C8A: variants seen among roughly 807,000 people sequenced by gnomAD.
C8A encodes the protein complement component C8 alpha chain.
A neutral mutation model predicts 65.3 loss-of-function variants in C8A; 67 were observed. The ratio of observed to expected loss-of-function variants is 1.03; its 90% confidence interval spans 0.84 to 1.26. The LOEUF is 1.26. Among genes scored for constraint, C8A ranks in the 50% most tolerant of loss-of-function variants. The probability of loss-of-function intolerance (pLI) is 0.00; values close to 1 mark genes in which losing one functional copy is unlikely to be tolerated. For missense variants in C8A, 781 were observed against 723.9 expected (o/e 1.08, Z -0.90); for synonymous variants, 290 against 259.4 (o/e 1.12, Z -1.13).
At chr1:56,861,177 G>C (rs1644030071) in intron 1 of C8A, among the ~76,000 whole-genome samples, 2 of 152,048 alleles carry the variant, frequency 1.3e-5, no homozygotes, top group African/African-American at 2.4e-5. Flanking sequence ...TACTGTTCTG[G>C]GCCCTGGGGA....
At chr1:56,862,441 T>G (rs2101190235) in intron 1 of C8A, among the ~76,000 whole-genome samples, 1 of 152,342 alleles carries the variant, frequency 6.6e-6, no homozygotes, top group Admixed American at 6.5e-5. Flanking sequence ...AGAAACTCTC[T>G]GAACCTTCAA....
chr1:56,892,241 A>G (rs1007947511), intron 7 of C8A, among the ~76,000 whole-genome samples: 4 of 152,040 alleles, frequency 2.6e-5, no homozygotes, highest in African/African-American at 9.7e-5. Flanking sequence ...TTCTTTCTCT[A>G]TAGAGACACC....
intron 7 of C8A, among the ~76,000 whole-genome samples, chr1:56,894,227 A>T (rs1263321012): frequency 6.6e-6 from 1 of 152,068 alleles, no homozygotes; most frequent in Non-Finnish European, 1.5e-5. Context: ...CATTATCATG[A>T]TGTCCAGCCT....
At chr1:56,896,891 A>G (rs917062986) in intron 7 of C8A, among the ~76,000 whole-genome samples, 5 of 152,154 alleles carry the variant, frequency 3.3e-5, no homozygotes, top group Non-Finnish European at 7.4e-5. Flanking sequence ...TTTCATACAC[A>G]TCATCTTATC....
At chr1:56,894,185 G>C (rs770832916) in intron 7 of C8A, among the ~76,000 whole-genome samples, 2 of 152,084 alleles carry the variant, frequency 1.3e-5, no homozygotes, top group Non-Finnish European at 2.9e-5. Context: ...CAAACACCCA[G>C]CTCTGAAACA....
intron 7 of C8A, among the ~76,000 whole-genome samples, chr1:56,894,363 C>A (rs907931679): frequency 1.9e-4 from 29 of 152,202 alleles, no homozygotes; most frequent in Admixed American, 3.3e-4. Context: ...TTTGGAGGGA[C>A]CACTCTTCCC....
chr1:56,885,325 T>TTTAAATATATATTTACATAAATATTTAA, intron 6 of C8A, among the ~76,000 whole-genome samples: 1 of 135,644 alleles, frequency 7.4e-6, no homozygotes, highest in African/African-American at 2.8e-5. Context: ...AATATATTTA[T>TTTAAATATATATTTACATAAATATTTAA]TTAAATATAT....
At chr1:56,862,183 C>A (rs1385357995) in intron 1 of C8A, among the ~76,000 whole-genome samples, 1 of 152,192 alleles carries the variant, frequency 6.6e-6, no homozygotes, top group Admixed American at 6.5e-5. Context: ...ATTTTACATA[C>A]ATGATCTCAC....
chr1:56,865,507 A>C (rs1396146336), intron 1 of C8A, among the ~76,000 whole-genome samples: 1 of 152,230 alleles, frequency 6.6e-6, no homozygotes, highest in Non-Finnish European at 1.5e-5. Context: ...ACCTCCCAAA[A>C]GCCCCACTTC....
intron 4 of C8A, among the ~76,000 whole-genome samples, chr1:56,877,696 C>T (rs1644211610): frequency 6.6e-6 from 1 of 152,078 alleles, no homozygotes; most frequent in East Asian, 1.9e-4. Context: ...TGAATTGAAA[C>T]AAATCAATAT....
chr1:56,903,178 C>G (rs940409850), intron 7 of C8A, among the ~76,000 whole-genome samples: 6 of 152,176 alleles, frequency 3.9e-5, no homozygotes, highest in African/African-American at 1.4e-4. Context: ...CCGCCCAAAT[C>G]TCATCTTGAA....
At chr1:56,909,677 G>T (rs533496759) in intron 9 of C8A, among the ~76,000 whole-genome samples, 229 of 152,288 alleles carry the variant, frequency 1.5e-3, no homozygotes, top group Non-Finnish European at 2.0e-3. Context: ...TGGCAGGATT[G>T]GGTGAGAGGG....
intron 4 of C8A, 54 bp downstream of exon 4, chr1:56,876,263 G>C: frequency 6.2e-7 from 1 of 1,607,330 alleles, no homozygotes; most frequent in Non-Finnish European, 8.5e-7. Context: ...GTCTTCAATC[G>C]TGAGCATTAG....
intron 2 of C8A, among the ~76,000 whole-genome samples, chr1:56,869,533 C>T (rs1581942): frequency 0.15 from 22,789 of 152,102 alleles, 5,260 homozygotes; most frequent in African/African-American, 0.5. Context: ...TAGGTAGATA[C>T]CCAGTAGTGA....
intron 10 of C8A, among the ~76,000 whole-genome samples, 157 bp downstream of exon 10, chr1:56,912,782 T>G (rs75282726): frequency 0.022 from 3,326 of 152,296 alleles, 123 homozygotes; most frequent in African/African-American, 0.076. Context: ...CCATCACATT[T>G]AGTGGTTCTT....
chr1:56,915,868 A>C (rs1264536600), intron 10 of C8A, among the ~76,000 whole-genome samples: 1 of 152,190 alleles, frequency 6.6e-6, no homozygotes, highest in African/African-American at 2.4e-5. Flanking sequence ...GTCTGAGACA[A>C]CTTCAGTAAG....
At chr1:56,907,717 T>C (rs1283122120) in intron 8 of C8A, among the ~76,000 whole-genome samples, 1 of 152,238 alleles carries the variant, frequency 6.6e-6, no homozygotes, top group Non-Finnish European at 1.5e-5. Flanking sequence ...GTTCCCCTTA[T>C]CCTCCATGTG....
At chr1:56,868,411 C>T (rs181838012) in intron 2 of C8A, among the ~76,000 whole-genome samples, 2 of 151,692 alleles carry the variant, frequency 1.3e-5, no homozygotes, top group East Asian at 1.9e-4. Flanking sequence ...AAGTTCAAGA[C>T]CAGCCTGGGC....
chr1:56,867,611 G>C lies in C8A; in HGVS notation c.80G>C (p.Arg27Thr). ...GVTAQEKVNQ[R>T]VRRAATPAAV... is the part of the protein sequence containing the mutation. ...GCATGGATCTTCCCTTTCTTTAGGA[G>C]AGTAAGACGGGCAGCTACACCCGCA... Residue 27 changes from arginine to threonine, a missense_variant and splice_region_variant, in exon 2 of 11, where the codon AGA (arginine) becomes ACA (threonine). Physicochemically the swap from Arg to Thr is moderately conservative, Grantham distance 71. Transcript: ENST00000361249. 1 of 1,612,446 alleles carries C rather than the reference G, an allele frequency of 6.2e-7. No individual in the cohort carries two copies. The highest frequency in any genetic ancestry group is 8.5e-7 in the Non-Finnish European group (1 of 1,178,668).
Sources: gnomAD v4.1 joint callset for allele counts (sites outside exome capture counted in the v4.1 genomes callset) on GRCh38, gnomAD v4.1.1 for gene constraint, MANE v1.5 for transcripts, NCBI Gene and HGNC (gene_info 2026-07-23, HGNC 2026-07-21) for gene names.